DYNLL1: variants seen among roughly 807,000 people sequenced by gnomAD.
DYNLL1 encodes dynein light chain 1, cytoplasmic.
DYNLL1 carries 3 observed loss-of-function variants against 10.1 expected under a neutral mutation model. The ratio of observed to expected loss-of-function variants is 0.30; its 90% CI spans 0.14 to 0.77. The LOEUF (loss-of-function observed/expected upper bound fraction) is 0.77, where lower values mean the gene tolerates loss of function less well. Ranked by LOEUF, DYNLL1 falls within the 30% of genes least tolerant of loss-of-function variation. The probability of loss-of-function intolerance (pLI) is 0.66; values close to 1 mark genes in which losing one functional copy is unlikely to be tolerated. For synonymous variants in DYNLL1, 46 were observed against 41.2 expected, an observed-to-expected ratio of 1.12 and a Z score of -0.45; for missense variants, 47 against 111.7, an observed-to-expected ratio of 0.42 and a Z score of 2.61.
chr12:120,496,404 C>G lies in DYNLL1; in HGVS notation c.-6-12C>G, dbSNP rs977490772. On this transcript the variant is annotated splice_polypyrimidine_tract_variant and intron_variant, in intron 1 of 2. Transcript: ENST00000242577. ...CCCAACTCAACCCCTTACCCCAGGC[C>G]TTGCCCACTAGGTAACCATGTGCGA... 6.2e-7 allele frequency: 1 copy of G among 1,614,016 alleles called. No individual in the cohort carries two copies. Among genetic ancestry groups the G allele is most frequent in the Admixed American group, 1.7e-5 (1 of 60,024 alleles).
rs780634489 is a variant in DYNLL1 at position 120,498,126 on chromosome 12, C to G, written c.186C>G (p.Phe62Leu). The G allele has an allele frequency of 6.2e-7, 1 of 1,614,188 alleles. No homozygotes were observed. The highest frequency in any genetic ancestry group is 8.5e-7 in the Non-Finnish European group (1 of 1,180,016). ...GGCATTGCATCGTGGGGAGGAACTT[C>G]GGTAGTTATGTGACACATGAAACCA... ...PTWHCIVGRN[F>L]GSYVTHETKH... Residue 62 changes from phenylalanine to leucine, a missense_variant, in exon 3 of 3, where the codon TTC (phenylalanine) becomes TTG (leucine). Coordinates refer to ENST00000242577, the MANE Select transcript of DYNLL1 (RefSeq NM_003746.3).
chr12:120,496,520 C>T lies in DYNLL1; in HGVS notation c.99C>T (p.Asn33=), dbSNP rs1334000883. 3 of 1,614,034 alleles carry T rather than the reference C, an allele frequency of 1.9e-6. No individual in the cohort carries two copies. The highest frequency in any genetic ancestry group is 2.5e-6 in the Non-Finnish European group (3 of 1,180,026). ...ECATQALEKY[N]IEKDIAAHIK... ...CTACTCAGGCGCTGGAGAAATACAA[C>T]ATAGAGAAGGACATTGCGGCTCATA... is the stretch of plus-strand genomic sequence containing the variant. The change falls in exon 2 of 3, where the codon AAC becomes AAT. Residue 33 remains asparagine, a synonymous_variant. Coordinates refer to ENST00000242577, the MANE Select transcript of DYNLL1 (RefSeq NM_003746.3).
At chr12:120,485,948 G>A (rs1425511822) in intron 1 of DYNLL1, among the ~76,000 whole-genome samples, 2 of 151,032 alleles carry the variant, frequency 1.3e-5, no homozygotes, top group Non-Finnish European at 2.9e-5. Context: ...TATTGACAAT[G>A]GTTATCTCTG....
intron 1 of DYNLL1, among the ~76,000 whole-genome samples, chr12:120,479,449 C>CAAAAAAAAAAAAAAAAAAAA (rs71076617): frequency 3.9e-5 from 3 of 76,114 alleles, no homozygotes; most frequent in African/African-American, 1.0e-4. Context: ...ACTCCGTCTC[C>CAAAAAAAAAAAAAAAAAAAA]AAAAAAAAAA....
At chr12:120,485,839 TAAAA>T (rs749971979) in intron 1 of DYNLL1, among the ~76,000 whole-genome samples, 1 of 76,240 alleles carries the variant, frequency 1.3e-5, no homozygotes, top group African/African-American at 5.4e-5. Flanking sequence ...AGTCCCTGTC[TAAAA>T]AAAAAAAAAA....
intron 1 of DYNLL1, among the ~76,000 whole-genome samples, chr12:120,482,410 C>T (rs2137061461): frequency 6.6e-6 from 1 of 152,112 alleles, no homozygotes; most frequent in Middle Eastern, 3.4e-3. Context: ...GCAAGCTCCA[C>T]CTCCCGGGTT....
intron 1 of DYNLL1, among the ~76,000 whole-genome samples, chr12:120,478,851 A>AT: frequency 6.9e-6 from 1 of 144,182 alleles, no homozygotes; most frequent in South Asian, 2.5e-4. Flanking sequence ...CGCCCAGCTA[A>AT]TTTTTGTATT....
At chr12:120,481,517 A>G (rs987319928) in intron 1 of DYNLL1, among the ~76,000 whole-genome samples, 1 of 152,148 alleles carries the variant, frequency 6.6e-6, no homozygotes, top group Non-Finnish European at 1.5e-5. Flanking sequence ...CCTTATTTAC[A>G]TTTTCCAGTT....
At chr12:120,494,516 T>G (rs1230947486), upstream of DYNLL1, among the ~76,000 whole-genome samples, 2 of 152,108 alleles carry the variant, frequency 1.3e-5, no homozygotes, top group Non-Finnish European at 2.9e-5. Context: ...CCTCAGGTCA[T>G]CCACCCGCCT....
In DYNLL1 at chr12:120,484,740, C is replaced by CTT. The variant is rs34764295; in HGVS notation, c.-6-11661_-6-11660dup. On this transcript the variant is annotated intron_variant, in intron 1 of 2. Coordinates refer to the DYNLL1 transcript ENST00000392509. ...ATTGTTTCAAGAAGTTATGCATGGA[C>CTT]TTTTTTTTTTTTTTTTGAGACGGAG... Among the ~76,000 whole-genome samples the CTT allele has an allele frequency of 7.2e-4, 102 of 141,438 alleles. 1 individual carries two copies. The highest frequency in any genetic ancestry group is 1.1e-3 in the Non-Finnish European group (71 of 64,910). The allele number at this position is 141,438 out of a possible 152,430, so 92.8% of individuals were successfully genotyped here.
At chr12:120,480,198 C>A (rs1336138181) in intron 1 of DYNLL1, among the ~76,000 whole-genome samples, 1 of 152,148 alleles carries the variant, frequency 6.6e-6, no homozygotes, top group East Asian at 1.9e-4. Context: ...CCTATGGTTC[C>A]CCCAAAATTA....
At chr12:120,479,919 T>C (rs34179846) in intron 1 of DYNLL1, among the ~76,000 whole-genome samples, 10,186 of 152,232 alleles carry the variant, frequency 0.067, 494 homozygotes, top group Non-Finnish European at 0.1. Flanking sequence ...GCAATCAGTA[T>C]GAGTTGCCTT....
chr12:120,497,157 C>T (rs1308341078), intron 2 of DYNLL1: 1 of 161,024 alleles, frequency 6.2e-6, no homozygotes, highest in Non-Finnish European at 1.4e-5. Flanking sequence ...TTGACAAACG[C>T]AGCAGTGCGT....
Position 120,477,095 on chromosome 12 carries a change from A to G in DYNLL1, c.-7+6991A>G, listed in dbSNP as rs1009247483. 2.0e-5 allele frequency among the ~76,000 whole-genome samples: 3 copies of G among 151,248 alleles called. No homozygotes were observed. The East Asian group carries it at 5.8e-4, about 29-fold the overall frequency. On this transcript the variant is annotated intron_variant, in intron 1 of 2. Coordinates refer to the DYNLL1 transcript ENST00000392509. ...CAGGCACCTGCCACCACACTTGGATAATTTTGTATTTTTAGTAGAGATTGG... is the reference window on the plus strand; with the variant it reads ...CAGGCACCTGCCACCACACTTGGATGATTTTGTATTTTTAGTAGAGATTGG...
upstream of DYNLL1, chr12:120,496,103 G>C: frequency 2.2e-6 from 1 of 461,734 alleles, no homozygotes; most frequent in Non-Finnish European, 3.9e-6. Flanking sequence ...CGGCTGGCGT[G>C]GGGCTGCTTA....
upstream of DYNLL1, chr12:120,495,923 C>A (rs773657591): frequency 5.9e-6 from 1 of 169,962 alleles, no homozygotes; most frequent in African/African-American, 2.4e-5. Context: ...CAACCGACGC[C>A]GTGAGCGGTG....
intron 1 of DYNLL1, chr12:120,490,773 T>C (rs1271615978): frequency 6.6e-6 from 1 of 152,090 alleles, no homozygotes; most frequent in Non-Finnish European, 1.5e-5. Flanking sequence ...CTCAAATGCA[T>C]AGGACAGCTC....
chr12:120,472,755 C>G (rs1878677257), intron 1 of DYNLL1, among the ~76,000 whole-genome samples: 1 of 152,170 alleles, frequency 6.6e-6, no homozygotes, highest in African/African-American at 2.4e-5. Flanking sequence ...CAAAGGAGTT[C>G]AGTTACCCAG....
At chr12:120,493,147 T>TTA (rs1323979904), upstream of DYNLL1, among the ~76,000 whole-genome samples, 1 of 152,334 alleles carries the variant, frequency 6.6e-6, no homozygotes, top group African/African-American at 2.4e-5. Context: ...AACAAATGTT[T>TTA]TATATTCTAA....
Sources: gnomAD v4.1 joint callset for allele counts (sites outside exome capture counted in the v4.1 genomes callset) on GRCh38, gnomAD v4.1.1 for gene constraint, MANE v1.5 for transcripts, NCBI Gene and HGNC (gene_info 2026-07-23, HGNC 2026-07-21) for gene names.